The following TBL1Y variants were observed in gnomAD, a reference collection of about 807,000 sequenced individuals.
TBL1Y encodes the protein F-box-like/WD repeat-containing protein TBL1Y.
TBL1Y carries 15 observed loss-of-function variants against 12.0 expected under a neutral mutation model. The ratio of observed to expected loss-of-function variants is 1.25; its 90% confidence interval spans 0.83 to 1.92. TBL1Y has a LOEUF of 1.92. Ranked by LOEUF, TBL1Y falls within the 40% of genes most tolerant of loss-of-function variation. The pLI is 0.00. For missense variants in TBL1Y, 148 were observed against 116.7 expected, an observed-to-expected ratio of 1.27 and a Z score of -1.24; for synonymous variants, 53 against 42.6, an observed-to-expected ratio of 1.24 and a Z score of -0.95.
chrY:6,934,324 C>G, intron 2 of TBL1Y, among the ~76,000 whole-genome samples: 3 of 32,797 alleles, frequency 9.1e-5, no homozygotes, highest in Non-Finnish European at 1.5e-4. Context: ...TTCTCCTTCT[C>G]CCCTGAAGCT....
intron 3 of TBL1Y, among the ~76,000 whole-genome samples, chrY:6,991,405 G>T: frequency 6.0e-5 from 2 of 33,297 alleles, no homozygotes; most frequent in Non-Finnish European, 1.5e-4. Flanking sequence ...TCATGCATTA[G>T]TCACTGTCCT....
intron 3 of TBL1Y, among the ~76,000 whole-genome samples, chrY:6,987,628 G>A (rs1021577385): frequency 9.0e-5 from 3 of 33,253 alleles, no homozygotes; most frequent in Admixed American, 2.8e-4. Flanking sequence ...CATTTCAAGC[G>A]TGTTAGGTAA....
intron 3 of TBL1Y, among the ~76,000 whole-genome samples, chrY:6,988,833 G>T: frequency 3.1e-5 from 1 of 32,621 alleles, no homozygotes; most frequent in South Asian, 7.1e-4. Context: ...GAATGTCTTG[G>T]GTGACCAAGA....
chrY:6,913,307 G>C, intron 2 of TBL1Y, among the ~76,000 whole-genome samples: 4 of 32,723 alleles, frequency 1.2e-4, no homozygotes, highest in Non-Finnish European at 3.0e-4. Context: ...ATTATGGTGT[G>C]GGGCTTTGGA....
chrY:6,951,517 C>T (rs2012025991), intron 2 of TBL1Y, among the ~76,000 whole-genome samples: 2 of 33,219 alleles, frequency 6.0e-5, no homozygotes, highest in South Asian at 6.8e-4. Context: ...TCTGTGGGAT[C>T]GGTGGTGATA....
chrY:7,051,452 G>A, intron 7 of TBL1Y, among the ~76,000 whole-genome samples: 2 of 33,397 alleles, frequency 6.0e-5, no homozygotes, highest in Non-Finnish European at 1.5e-4. Context: ...ACAGTGAGCC[G>A]AGACTGCACC....
intron 6 of TBL1Y, among the ~76,000 whole-genome samples, chrY:7,026,283 G>A (rs2012623579): frequency 3.0e-5 from 1 of 33,568 alleles, no homozygotes; most frequent in East Asian, 7.9e-4. Context: ...TTTGTCAGAC[G>A]CAGTATAAGC....
At chrY:6,966,510 T>G (rs2012169574) in intron 2 of TBL1Y, among the ~76,000 whole-genome samples, 1 of 33,396 alleles carries the variant, frequency 3.0e-5, no homozygotes, top group African/African-American at 1.2e-4. Flanking sequence ...AGTATTCTTG[T>G]GTATGGGAAT....
chrY:7,043,806 A>G (rs560953279), intron 7 of TBL1Y, among the ~76,000 whole-genome samples: 11 of 33,247 alleles, frequency 3.3e-4, no homozygotes, highest in Middle Eastern at 0.014. Context: ...TGCACATACT[A>G]TGATTTGCTC....
At position 6,960,558 on chromosome Y, in the gene TBL1Y, C is replaced by T. The variant is rs541375067; in HGVS notation, c.-265-17655C>T. On this transcript the variant is annotated intron_variant, in intron 2 of 18. Coordinates refer to ENST00000383032, the MANE Select transcript of TBL1Y (RefSeq NM_033284.2). ...AGGGTGATTTTAGCCTTCTATAAAC[C>T]TGGTCTAGCCTTTTAGTTAAATCAC... is the stretch of plus-strand genomic sequence containing the variant. Among the ~76,000 whole-genome samples the T allele has an allele frequency of 3.0e-4, 10 of 33,249 alleles. No homozygotes were observed. The East Asian group carries it at 7.2e-3, about 24-fold the overall frequency. The allele number at this position is 33,249 out of a possible 37,273, so 89.2% of individuals were successfully genotyped here. A position where few individuals can be genotyped will look rare whatever the true frequency, so the allele number is the denominator to read the frequency against.
At chrY:7,082,783 C>T in intron 14 of TBL1Y, among the ~76,000 whole-genome samples, 2 of 34,118 alleles carry the variant, frequency 5.9e-5, no homozygotes, top group Non-Finnish European at 1.5e-4. Flanking sequence ...GGGCCCATGG[C>T]GTCTTGCCTT....
intron 7 of TBL1Y, among the ~76,000 whole-genome samples, chrY:7,058,207 C>T (rs2012835215): frequency 3.0e-5 from 1 of 33,483 alleles, no homozygotes; most frequent in African/African-American, 1.2e-4. Flanking sequence ...ACCACAATAC[C>T]ACCACACAAA....
chrY:6,948,105 T>C (rs2011996219), intron 2 of TBL1Y, among the ~76,000 whole-genome samples: 3 of 33,541 alleles, frequency 8.9e-5, no homozygotes, highest in African/African-American at 3.5e-4. Context: ...TTTCACTTAC[T>C]ATGAATGCTA....
At chrY:7,062,933 C>T (rs544760695) in intron 7 of TBL1Y, among the ~76,000 whole-genome samples, 64 of 34,163 alleles carry the variant, frequency 1.9e-3, no homozygotes, top group South Asian at 4.6e-3. Flanking sequence ...TTTACCAGCT[C>T]CCCTGGCTTT....
At chrY:7,055,177 A>G (rs917790701) in intron 7 of TBL1Y, among the ~76,000 whole-genome samples, 1 of 33,681 alleles carries the variant, frequency 3.0e-5, no homozygotes, top group African/African-American at 1.2e-4. Flanking sequence ...TTTACTCAGT[A>G]TATGCGCTAT....
rs371743815 is a variant in TBL1Y at position 7,063,497 on chromosome Y, C to T, written c.205-400C>T. ...AAATGGTTATGGCAGAGCAGAAAAT[C>T]GGAATGAGTCAGGATGGAGTAGGTA... On this transcript the variant is annotated intron_variant, in intron 7 of 18. Transcript: ENST00000383032. Among the ~76,000 whole-genome samples the T allele has an allele frequency of 4.9e-3, 157 of 32,108 alleles. No individual in the cohort carries two copies. The South Asian group carries it at 0.077, about 16-fold the overall frequency. The allele number at this position is 32,108 out of a possible 37,273, so 86.1% of individuals were successfully genotyped here. A position where few individuals can be genotyped will look rare whatever the true frequency, so the allele number is the denominator to read the frequency against.
At chrY:7,067,732 AGAG>A (rs2012996655) in intron 8 of TBL1Y, among the ~76,000 whole-genome samples, 1 of 32,885 alleles carries the variant, frequency 3.0e-5, no homozygotes, top group Non-Finnish European at 7.4e-5. Flanking sequence ...TTCCTGTAGA[AGAG>A]GAGGTGTGAT....
chrY:7,034,176 A>G (rs2012673612), intron 6 of TBL1Y, among the ~76,000 whole-genome samples: 2 of 33,275 alleles, frequency 6.0e-5, no homozygotes, highest in Admixed American at 5.5e-4. Context: ...AAGCATTCCT[A>G]TACATCAATA....
intron 2 of TBL1Y, among the ~76,000 whole-genome samples, chrY:6,965,847 C>T (rs1023968058): frequency 1.2e-4 from 4 of 33,416 alleles, no homozygotes; most frequent in Non-Finnish European, 2.9e-4. Flanking sequence ...CAGGAAAACT[C>T]GAAGCGGGAG....
Sources: allele counts gnomAD v4.1 joint callset (sites outside exome capture counted in the v4.1 genomes callset), GRCh38; gene constraint gnomAD v4.1.1; transcripts MANE v1.5; gene names NCBI Gene and HGNC (gene_info 2026-07-23, HGNC 2026-07-21).